The following NOL4 variants were observed in gnomAD, a reference collection of about 807,000 sequenced individuals.
The protein encoded by NOL4 is cancer/testis antigen 125.
NOL4 carries 17 observed loss-of-function variants against 75.9 expected under a neutral mutation model. That is an observed-to-expected ratio of 0.22 (90% confidence interval 0.15 to 0.34). The LOEUF (loss-of-function observed/expected upper bound fraction) is 0.34. Ranked by LOEUF, NOL4 falls within the 10% of genes least tolerant of loss-of-function variation. The pLI, the probability that NOL4 is intolerant of heterozygous loss-of-function variation, is 1.00. For missense variants in NOL4, 614 were observed against 793.5 expected (o/e 0.77, Z 2.72); for synonymous variants, 292 against 289.9 (o/e 1.01, Z -0.07).
intron 2 of NOL4, among the ~76,000 whole-genome samples, chr18:34,108,923 C>A (rs1253875443): frequency 6.6e-6 from 1 of 152,038 alleles, no homozygotes; most frequent in Non-Finnish European, 1.5e-5. Context: ...GAAGAATCTT[C>A]AGGATAGATC....
chr18:34,155,919 T>C (rs1302342607), intron 1 of NOL4, among the ~76,000 whole-genome samples: 1 of 152,070 alleles, frequency 6.6e-6, no homozygotes, highest in Non-Finnish European at 1.5e-5. Flanking sequence ...AAAAACAAAA[T>C]GATTTAATGC....
chr18:33,872,596 A>T (rs2063751777), intron 10 of NOL4, among the ~76,000 whole-genome samples: 2 of 151,994 alleles, frequency 1.3e-5, no homozygotes, highest in Non-Finnish European at 2.9e-5. Context: ...AGGTGAGAAG[A>T]GTTGAGTTTG....
chr18:33,931,620 G>A (rs760031957), intron 9 of NOL4, among the ~76,000 whole-genome samples: 23 of 152,002 alleles, frequency 1.5e-4, no homozygotes, highest in Non-Finnish European at 2.9e-4. Context: ...TGTAGTCCCA[G>A]TTACTTGGGC....
At chr18:34,216,149 CA>C (rs1304228725) in intron 1 of NOL4, among the ~76,000 whole-genome samples, 1 of 152,108 alleles carries the variant, frequency 6.6e-6, no homozygotes, top group Non-Finnish European at 1.5e-5. Flanking sequence ...AAGTCATAAA[CA>C]GGGGCACAGT....
At chr18:33,998,829 T>C (rs960145755) in intron 6 of NOL4, among the ~76,000 whole-genome samples, 1 of 152,232 alleles carries the variant, frequency 6.6e-6, no homozygotes, top group Admixed American at 6.5e-5. Flanking sequence ...GTTTAGTACA[T>C]AGATGGCCCT....
At chr18:34,031,527 T>C (rs2075639841) in intron 5 of NOL4, among the ~76,000 whole-genome samples, 1 of 152,178 alleles carries the variant, frequency 6.6e-6, no homozygotes, top group Non-Finnish European at 1.5e-5. Context: ...TAGACCCTCA[T>C]TAAAAATTTG....
At chr18:33,932,366 TA>T (rs1174112309) in intron 9 of NOL4, among the ~76,000 whole-genome samples, 1 of 152,068 alleles carries the variant, frequency 6.6e-6, no homozygotes, top group Non-Finnish European at 1.5e-5. Context: ...AAAGATTTCT[TA>T]AAGTTAAGAC....
intron 1 of NOL4, among the ~76,000 whole-genome samples, chr18:34,162,219 G>T (rs527350259): frequency 6.6e-6 from 1 of 152,072 alleles, no homozygotes; most frequent in African/African-American, 2.4e-5. Flanking sequence ...CTAGCAGAAG[G>T]CAAGAAATAA....
intron 5 of NOL4, 78 bp from the exon 6 acceptor site, chr18:34,019,679 C>G: frequency 7.7e-7 from 1 of 1,304,102 alleles, no homozygotes; most frequent in South Asian, 1.4e-5. Context: ...ATTTATTGAG[C>G]TCCCATTATA....
At chr18:34,055,604 A>C (rs1484454425) in intron 5 of NOL4, among the ~76,000 whole-genome samples, 2 of 152,066 alleles carry the variant, frequency 1.3e-5, no homozygotes, top group Non-Finnish European at 2.9e-5. Context: ...TCCTGGTTGC[A>C]GTTGGTTGAG....
intron 1 of NOL4, among the ~76,000 whole-genome samples, chr18:34,142,217 T>G (rs530761217): frequency 6.6e-6 from 1 of 152,182 alleles, no homozygotes; most frequent in African/African-American, 2.4e-5. Context: ...ATAGGAACAC[T>G]TCTAAGCTGT....
chr18:34,019,037 G>T (rs1164433733), intron 6 of NOL4, among the ~76,000 whole-genome samples: 2 of 151,964 alleles, frequency 1.3e-5, no homozygotes, highest in Admixed American at 1.3e-4. Context: ...TTCCCAGAGA[G>T]ATTCATACAA....
chr18:33,917,835 C>T (rs1341621626), intron 9 of NOL4, among the ~76,000 whole-genome samples: 4 of 152,080 alleles, frequency 2.6e-5, no homozygotes, highest in African/African-American at 4.8e-5. Context: ...GAACCTTGTT[C>T]TGAAATATAC....
At chr18:34,003,172 A>C (rs889279988) in intron 6 of NOL4, among the ~76,000 whole-genome samples, 1 of 152,122 alleles carries the variant, frequency 6.6e-6, no homozygotes, top group East Asian at 1.9e-4. Context: ...ATTAAAGTAC[A>C]TGATTATCTT....
At chr18:33,864,826 A>C (rs1378604525) in intron 10 of NOL4, among the ~76,000 whole-genome samples, 1 of 152,206 alleles carries the variant, frequency 6.6e-6, no homozygotes, top group East Asian at 1.9e-4. Flanking sequence ...CAGGAAACTT[A>C]CAATCATGGC....
In NOL4 at chr18:34,127,789, T is replaced by C. The variant is rs558927966; in HGVS notation, c.414+2082A>G. On this transcript the variant is annotated intron_variant, in intron 2 of 10. Transcript: ENST00000261592. The stretch of plus-strand genomic sequence containing the variant: ...GAATTATTACTGCATAAAAAGGAAA[T>C]GTTTCCCAATTAGAATTCAACTGAG... Among the ~76,000 whole-genome samples, 58 of 151,972 alleles carry C rather than the reference T, an allele frequency of 3.8e-4. No individual in the cohort carries two copies. In the South Asian group the frequency reaches 0.012, roughly 30 times the overall value.
At chr18:33,854,576 T>C (rs1225618414) in intron 10 of NOL4, among the ~76,000 whole-genome samples, 1 of 151,990 alleles carries the variant, frequency 6.6e-6, no homozygotes, top group East Asian at 1.9e-4. Context: ...TCTGAGTGGA[T>C]TAAAAAGGCA....
chr18:34,021,065 G>A (rs1207282042), intron 5 of NOL4, among the ~76,000 whole-genome samples: 3 of 152,162 alleles, frequency 2.0e-5, no homozygotes, highest in Non-Finnish European at 4.4e-5. Flanking sequence ...TTCTGAAAGA[G>A]TGATATAACT....
intron 9 of NOL4, among the ~76,000 whole-genome samples, chr18:33,899,394 T>A (rs1396946365): frequency 6.6e-6 from 1 of 152,140 alleles, no homozygotes; most frequent in African/African-American, 2.4e-5. Flanking sequence ...TAAAGTTGTC[T>A]ACCTTCCTCC....
Sources: gnomAD v4.1 joint callset for allele counts (sites outside exome capture counted in the v4.1 genomes callset) on GRCh38, gnomAD v4.1.1 for gene constraint, MANE v1.5 for transcripts, NCBI Gene and HGNC (gene_info 2026-07-23, HGNC 2026-07-21) for gene names.